The following TRIM58 variants were observed in gnomAD, a reference collection of about 807,000 sequenced individuals.
The protein encoded by TRIM58 is tripartite motif containing 58.
A neutral mutation model predicts 34.1 loss-of-function variants in TRIM58; 38 were observed. That is an observed-to-expected ratio of 1.12 (90% CI 0.86 to 1.46). The LOEUF (loss-of-function observed/expected upper bound fraction) is 1.46, where lower values mean the gene tolerates loss of function less well. Among genes scored for constraint, TRIM58 ranks in the 40% most tolerant of loss-of-function variants. The pLI is 0.00. For synonymous variants in TRIM58, 273 were observed against 275.7 expected (o/e 0.99, Z 0.10); for missense variants, 677 against 642.0 (o/e 1.05, Z -0.59).
chr1:247,866,275 C>G (rs540712185), intron 3 of TRIM58, among the ~76,000 whole-genome samples: 1 of 152,032 alleles, frequency 6.6e-6, no homozygotes, highest in Non-Finnish European at 1.5e-5. Context: ...CTCCTTGGCT[C>G]AAGCGATTCT....
At chr1:247,859,393 T>C (rs895933137) in intron 1 of TRIM58, among the ~76,000 whole-genome samples, 17 of 152,316 alleles carry the variant, frequency 1.1e-4, no homozygotes, top group Non-Finnish European at 2.1e-4. Flanking sequence ...TGAATTCTAC[T>C]GTTATTTTAT....
At chr1:247,859,015 G>T (rs536451340) in intron 1 of TRIM58, among the ~76,000 whole-genome samples, 11 of 152,028 alleles carry the variant, frequency 7.2e-5, no homozygotes, top group East Asian at 1.9e-4. Context: ...TCCATCCGCC[G>T]TGGCCTCCCA....
At chr1:247,861,105 T>C (rs1663782204) in intron 2 of TRIM58, among the ~76,000 whole-genome samples, 1 of 152,362 alleles carries the variant, frequency 6.6e-6, no homozygotes, top group South Asian at 2.1e-4. Flanking sequence ...GATCATCTTA[T>C]ATACAGGGTA....
intron 1 of TRIM58, among the ~76,000 whole-genome samples, chr1:247,859,345 AAC>A (rs1469756745): frequency 1.3e-5 from 2 of 152,102 alleles, no homozygotes. Flanking sequence ...TAAACACCAA[AAC>A]ACATGCCACT....
At chr1:247,873,096 G>A (rs544238158) in intron 5 of TRIM58, among the ~76,000 whole-genome samples, 1 of 152,246 alleles carries the variant, frequency 6.6e-6, no homozygotes, top group Admixed American at 6.5e-5. Context: ...CAGGCGTGGT[G>A]GTGCATGCCT....
At position 247,866,667 on chromosome 1, in the gene TRIM58, A is replaced by G. The variant is rs893341876; in HGVS notation, c.748-1178A>G. Among the ~76,000 whole-genome samples the G allele has an allele frequency of 2.0e-5, 3 of 152,092 alleles. No homozygotes were observed. The East Asian group carries it at 5.8e-4, about 29-fold the overall frequency. ...ACTCACGCTGGAGTGCAGTGGCTCA[A>G]TCATAGCTCACTGCAGCCTCAGTCT... On this transcript the variant is annotated intron_variant, in intron 3 of 5. Coordinates refer to ENST00000366481, the MANE Select transcript of TRIM58 (RefSeq NM_015431.4).
At chr1:247,874,774 C>G (rs1659241983) in intron 5 of TRIM58, among the ~76,000 whole-genome samples, 1 of 152,224 alleles carries the variant, frequency 6.6e-6, no homozygotes, top group Non-Finnish European at 1.5e-5. Flanking sequence ...GATCAGCTGG[C>G]TCCTCTGCTT....
At chr1:247,874,664 C>G (rs1049727681) in intron 5 of TRIM58, among the ~76,000 whole-genome samples, 13 of 152,084 alleles carry the variant, frequency 8.5e-5, no homozygotes, top group African/African-American at 3.1e-4. Flanking sequence ...TTCAGAGTAT[C>G]AGTATTTTTT....
intron 1 of TRIM58, among the ~76,000 whole-genome samples, chr1:247,858,858 C>A (rs1187622384): frequency 5.0e-5 from 7 of 139,526 alleles, no homozygotes; most frequent in Non-Finnish European, 1.1e-4. Flanking sequence ...TCTCCCGGGT[C>A]CTGGTGCAAG....
chr1:247,876,664 G>T lies in TRIM58; in HGVS notation c.*175G>T. 1 of 600,282 alleles carries T rather than the reference G, an allele frequency of 1.7e-6. No homozygotes were observed. Among genetic ancestry groups the T allele is most frequent in the Non-Finnish European group, 2.9e-6 (1 of 342,108 alleles). 37.2% of individuals were successfully genotyped at this position (600,282 alleles called of 1,614,324 possible). On this transcript the variant is annotated 3_prime_UTR_variant, in exon 6 of 6. Transcript: ENST00000366481. Reference sequence around the variant, plus strand: ...AATATGAAATATTTGCATATGGGAAGATTATAGAGCATAATAATTTTGTAA... The same window carrying T: ...AATATGAAATATTTGCATATGGGAATATTATAGAGCATAATAATTTTGTAA...
Position 247,867,868 on chromosome 1 carries a change from G to T in TRIM58, c.770+1G>T, listed in dbSNP as rs748395145. The T allele has an allele frequency of 2.0e-5, 33 of 1,614,058 alleles. No homozygotes were observed. Among genetic ancestry groups the T allele is most frequent in the Non-Finnish European group, 2.7e-5 (32 of 1,180,040 alleles). ...AGGGTGTGAGAGGAGTCCTGAGCAG[G>T]TATGTGTGCTTTCTGAATTGGTGAA... On this transcript the variant is annotated splice_donor_variant, in intron 4 of 5. Transcript: ENST00000366481. LOFTEE classifies it high-confidence loss of function.
rs550625724 is a variant in TRIM58, at chr1:247,867,932, C to G, written c.771-31C>G. On this transcript the variant is annotated intron_variant, in intron 4 of 5. Coordinates refer to ENST00000366481, the MANE Select transcript of TRIM58 (RefSeq NM_015431.4). ...GCAGAGGAGCTGGTGGAGAACCCTG[C>G]TGACTTCTGTGGTTTCTGTGCTCTT... is the stretch of plus-strand genomic sequence containing the variant. The G allele has an allele frequency of 7.5e-5, 121 of 1,613,208 alleles. 1 individual carries two copies. Among genetic ancestry groups the G allele is most frequent in the Middle Eastern group, 6.6e-4 (4 of 6,050 alleles).
chr1:247,865,467 A>G (rs1663897614), intron 3 of TRIM58, among the ~76,000 whole-genome samples: 1 of 152,172 alleles, frequency 6.6e-6, no homozygotes, highest in Non-Finnish European at 1.5e-5. Context: ...TGCATAATAC[A>G]TTTCAGTGTC....
intron 5 of TRIM58, among the ~76,000 whole-genome samples, chr1:247,869,951 G>C (rs1401243556): frequency 6.6e-6 from 1 of 152,174 alleles, no homozygotes; most frequent in Non-Finnish European, 1.5e-5. Context: ...TGATTTTAGG[G>C]AGATAGTAAA....
At chr1:247,869,365 T>C (rs1484563010) in intron 5 of TRIM58, among the ~76,000 whole-genome samples, 1 of 152,114 alleles carries the variant, frequency 6.6e-6, no homozygotes, top group African/African-American at 2.4e-5. Context: ...AATCACATGG[T>C]TGGTTCCCCT....
At chr1:247,858,656 C>G (rs933672861) in intron 1 of TRIM58, among the ~76,000 whole-genome samples, 1 of 150,186 alleles carries the variant, frequency 6.7e-6, no homozygotes, top group African/African-American at 2.5e-5. Flanking sequence ...TTGTCATTTG[C>G]GAGATGTAGG....
At position 247,879,852 on chromosome 1, in the gene TRIM58, C is replaced by T. The variant is rs988913868; in HGVS notation, c.*3363C>T. Among the ~76,000 whole-genome samples the T allele has an allele frequency of 7.2e-5, 11 of 151,922 alleles. No homozygotes were observed. The highest frequency in any genetic ancestry group is 1.3e-4 in the Non-Finnish European group (9 of 68,008). On this transcript the variant is annotated 3_prime_UTR_variant, in exon 6 of 6. Coordinates refer to ENST00000366481, the MANE Select transcript of TRIM58 (RefSeq NM_015431.4). ...GTGATACCACACAGCCCTACTCCCC[C>T]CAGAGCCCATCTAGAGCTCACCTTT...
rs1659283730 is a variant in TRIM58 at position 247,876,260 on chromosome 1, T to C, written c.1232T>C (p.Ile411Thr). 2 of 1,614,212 alleles carry C rather than the reference T, an allele frequency of 1.2e-6. No individual in the cohort carries two copies. Among genetic ancestry groups the C allele is most frequent in the Non-Finnish European group, 1.7e-6 (2 of 1,180,030 alleles). The change falls in exon 6 of 6, where the codon ATT becomes ACT. Residue 411 changes from isoleucine (I) to threonine (T), a missense_variant. By Grantham distance (89) the Ile-to-Thr change is moderately conservative. Coordinates refer to ENST00000366481, the MANE Select transcript of TRIM58 (RefSeq NM_015431.4). ...PLLQLESPRC[I>T]GIFLDYEAGE... ...CTCCAACTGGAAAGTCCTCGCTGCA[T>C]TGGGATTTTCTTGGACTATGAAGCC...
chr1:247,877,164 C>T lies in TRIM58; in HGVS notation c.*675C>T, dbSNP rs1659309989. 6.6e-6 allele frequency: 1 copy of T among 152,236 alleles called. No individual in the cohort carries two copies. Among genetic ancestry groups the T allele is most frequent in the Non-Finnish European group, 1.5e-5 (1 of 68,050 alleles). The allele number at this position is 152,236 out of a possible 1,614,324, so 9.4% of individuals were successfully genotyped here. ...TTTAAGAATTACAAAGCTCATTCTT[C>T]TGAATCTAATATCACTAACTCCTAG... On this transcript the variant is annotated 3_prime_UTR_variant, in exon 6 of 6. Coordinates refer to ENST00000366481, the MANE Select transcript of TRIM58 (RefSeq NM_015431.4).
Sources: gnomAD v4.1 joint callset for allele counts (sites outside exome capture counted in the v4.1 genomes callset) on GRCh38, gnomAD v4.1.1 for gene constraint, MANE v1.5 for transcripts, NCBI Gene and HGNC (gene_info 2026-07-23, HGNC 2026-07-21) for gene names.